Variants in CCDC7 observed in about 807,000 individuals in gnomAD.
CCDC7 encodes coiled-coil domain-containing protein 7.
CCDC7 carries 183 observed loss-of-function variants against 196.9 expected under a neutral mutation model. The ratio of observed to expected loss-of-function variants is 0.93; its 90% confidence interval spans 0.82 to 1.05. The LOEUF is 1.05. CCDC7 is among the 50% of genes least tolerant of loss of function. The pLI, the probability that CCDC7 is intolerant of heterozygous loss-of-function variation, is 0.00. For synonymous variants in CCDC7, 525 were observed against 484.6 expected (o/e 1.08, Z -1.10); for missense variants, 1,540 against 1,482.2 (o/e 1.04, Z -0.64).
intron 18 of CCDC7, chr10:32,623,932 A>C (rs905379307): frequency 5.7e-6 from 2 of 351,188 alleles, no homozygotes; most frequent in African/African-American, 4.3e-5. Context: ...TAAACTGTTC[A>C]TGAGGGATCC....
chr10:32,619,659 A>G (rs2063163777), intron 18 of CCDC7, among the ~76,000 whole-genome samples: 1 of 152,160 alleles, frequency 6.6e-6, no homozygotes. Flanking sequence ...AATGAACAAA[A>G]TAAATAACCT....
chr10:32,844,890 A>G (rs1310486154), intron 33 of CCDC7, among the ~76,000 whole-genome samples: 1 of 151,826 alleles, frequency 6.6e-6, no homozygotes, highest in Admixed American at 6.6e-5. Context: ...ATGCACACAC[A>G]CACATAAAAT....
At chr10:32,561,172 C>G (rs948484027) in intron 13 of CCDC7, among the ~76,000 whole-genome samples, 1 of 152,174 alleles carries the variant, frequency 6.6e-6, no homozygotes, top group Non-Finnish European at 1.5e-5. Flanking sequence ...AAAGCAAGGC[C>G]TGAGTGACCT....
intron 28 of CCDC7, among the ~76,000 whole-genome samples, chr10:32,734,140 G>A (rs140880668): frequency 1.3e-3 from 192 of 152,168 alleles, no homozygotes; most frequent in African/African-American, 4.2e-3. Context: ...AATGTTCATC[G>A]CAGCACTATT....
At chr10:32,543,963 T>C (rs1181990580) in intron 12 of CCDC7, among the ~76,000 whole-genome samples, 1 of 152,036 alleles carries the variant, frequency 6.6e-6, no homozygotes, top group Non-Finnish European at 1.5e-5. Context: ...ATGGGACAAA[T>C]GGCTTTGACC....
intron 20 of CCDC7, among the ~76,000 whole-genome samples, chr10:32,653,792 A>G (rs775647485): frequency 1.6e-4 from 25 of 152,200 alleles, no homozygotes; most frequent in Non-Finnish European, 7.3e-5. Context: ...TTTGACTATG[A>G]TACATGTATG....
In CCDC7 at chr10:32,574,628, T is replaced by C. The variant is rs1292442865; in HGVS notation, c.1454+2735T>C. The C allele has an allele frequency of 1.2e-5, 6 of 510,030 alleles. No homozygotes were observed. The Admixed American group carries it at 2.0e-4, about 17-fold the overall frequency. The allele number at this position is 510,030 out of a possible 1,614,324, so 31.6% of individuals were successfully genotyped here. A position where few individuals can be genotyped will look rare whatever the true frequency, so the allele number is the denominator to read the frequency against. ...GGTAAATAGTTAATCAAACAATAGA[T>C]TTTAATAATTTATTGTTTCACATCA... On this transcript the variant is annotated intron_variant, in intron 16 of 41. Transcript: ENST00000639629.
At chr10:32,733,469 A>T (rs897124456) in intron 28 of CCDC7, among the ~76,000 whole-genome samples, 4 of 152,144 alleles carry the variant, frequency 2.6e-5, no homozygotes, top group Non-Finnish European at 4.4e-5. Context: ...TCCAGCTAAG[A>T]TATTTGGAGC....
intron 11 of CCDC7, among the ~76,000 whole-genome samples, chr10:32,531,427 A>G (rs553152513): frequency 6.6e-6 from 1 of 152,274 alleles, no homozygotes; most frequent in East Asian, 1.9e-4. Context: ...CCTAGCCATG[A>G]ATGATCTTTA....
intron 28 of CCDC7, among the ~76,000 whole-genome samples, chr10:32,742,836 C>T (rs2086102089): frequency 6.6e-6 from 1 of 152,108 alleles, no homozygotes; most frequent in Admixed American, 6.5e-5. Flanking sequence ...TCTCATTTTA[C>T]CTTAATTATC....
intron 18 of CCDC7, among the ~76,000 whole-genome samples, chr10:32,588,024 C>A (rs538286747): frequency 2.0e-5 from 3 of 152,124 alleles, no homozygotes; most frequent in African/African-American, 7.2e-5. Context: ...AATGGGTTAT[C>A]AAGAGAATGG....
chr10:32,462,372 C>CTATG, intron 3 of CCDC7, among the ~76,000 whole-genome samples: 1 of 152,290 alleles, frequency 6.6e-6, no homozygotes, highest in Admixed American at 6.5e-5. Flanking sequence ...TTATAGTGAG[C>CTATG]TATGAGTGCA....
At chr10:32,490,759 C>T (rs2042020784) in intron 8 of CCDC7, among the ~76,000 whole-genome samples, 1 of 151,888 alleles carries the variant, frequency 6.6e-6, no homozygotes, top group South Asian at 2.1e-4. Context: ...GATCGCGCCA[C>T]TGCACTCCAG....
intron 25 of CCDC7, among the ~76,000 whole-genome samples, chr10:32,726,288 G>A (rs10827115): frequency 0.09 from 13,491 of 149,460 alleles, 856 homozygotes; most frequent in East Asian, 0.33. Context: ...GATATGTAGA[G>A]TATTTATATC....
At chr10:32,454,236 A>G (rs192594198) in intron 2 of CCDC7, among the ~76,000 whole-genome samples, 7 of 152,320 alleles carry the variant, frequency 4.6e-5, no homozygotes, top group Admixed American at 3.9e-4. Flanking sequence ...GCTTTTTGAA[A>G]TGATGGAAAT....
chr10:32,860,194 G>A (rs528375592), intron 41 of CCDC7, among the ~76,000 whole-genome samples: 65 of 152,134 alleles, frequency 4.3e-4, no homozygotes, highest in African/African-American at 1.4e-3. Flanking sequence ...ATCCAGCAGC[G>A]CATCAAAAAG....
At chr10:32,587,194 A>G (rs2059369052) in intron 18 of CCDC7, among the ~76,000 whole-genome samples, 1 of 152,222 alleles carries the variant, frequency 6.6e-6, no homozygotes, top group Non-Finnish European at 1.5e-5. Context: ...AAGGAAACTC[A>G]TTAAGCAATA....
At chr10:32,468,936 T>C (rs1255083071) in intron 5 of CCDC7, among the ~76,000 whole-genome samples, 1 of 152,222 alleles carries the variant, frequency 6.6e-6, no homozygotes, top group African/African-American at 2.4e-5. Context: ...GTGGAAACTA[T>C]TAGAGAATAT....
At chr10:32,808,374 A>C (rs2086313115) in intron 30 of CCDC7, among the ~76,000 whole-genome samples, 1 of 152,166 alleles carries the variant, frequency 6.6e-6, no homozygotes, top group South Asian at 2.1e-4. Flanking sequence ...CCGGGGGCTC[A>C]TCCTGCCCCA....
Sources: gnomAD v4.1 joint callset for allele counts (sites outside exome capture counted in the v4.1 genomes callset) on GRCh38, gnomAD v4.1.1 for gene constraint, MANE v1.5 for transcripts, NCBI Gene and HGNC (gene_info 2026-07-23, HGNC 2026-07-21) for gene names.